The following SDK1 variants were observed in gnomAD, a reference collection of about 807,000 sequenced individuals.
The protein encoded by SDK1 is sidekick cell adhesion molecule 1, also known as protein sidekick-1.
In SDK1, 157 loss-of-function variants were observed where a neutral mutation model predicts 245.5. The ratio of observed to expected loss-of-function variants is 0.64; its 90% CI spans 0.56 to 0.73. The LOEUF (loss-of-function observed/expected upper bound fraction) is 0.73, where lower values mean the gene tolerates loss of function less well. Among genes scored for constraint, SDK1 ranks in the 30% least tolerant of loss-of-function variants. The pLI is 0.00. For synonymous variants in SDK1, 1,647 were observed against 1,278.5 expected, an observed-to-expected ratio of 1.29 and a Z score of -6.15; for missense variants, 3,583 against 3,002.3, an observed-to-expected ratio of 1.19 and a Z score of -4.52.
At chr7:3,761,859 C>T (rs138678686) in intron 4 of SDK1, among the ~76,000 whole-genome samples, 1 of 152,190 alleles carries the variant, frequency 6.6e-6, no homozygotes, top group African/African-American at 2.4e-5. Context: ...TATTTGCTTG[C>T]GACTTGCAGT....
intron 43 of SDK1, among the ~76,000 whole-genome samples, chr7:4,242,472 CAA>C (rs887351775): frequency 5.9e-5 from 9 of 152,226 alleles, no homozygotes; most frequent in East Asian, 1.9e-4. Flanking sequence ...GTTTCCCAAA[CAA>C]GAGAGGGGTT....
At chr7:3,903,371 CTG>C (rs1265572203) in intron 5 of SDK1, among the ~76,000 whole-genome samples, 20 of 152,252 alleles carry the variant, frequency 1.3e-4, no homozygotes, top group African/African-American at 2.9e-4. Flanking sequence ...TCTCGATCAT[CTG>C]CTGACCTTGT....
At chr7:3,391,083 A>T (rs1231648311) in intron 1 of SDK1, among the ~76,000 whole-genome samples, 2 of 152,160 alleles carry the variant, frequency 1.3e-5, no homozygotes, top group African/African-American at 2.4e-5. Flanking sequence ...ATACCAGGTC[A>T]CATTTAGAAT....
chr7:3,516,477 TAAAG>T (rs760309381), intron 1 of SDK1, among the ~76,000 whole-genome samples: 7 of 152,164 alleles, frequency 4.6e-5, no homozygotes, highest in Non-Finnish European at 1.0e-4. Context: ...GTGTTCTACT[TAAAG>T]AGCTATTTTT....
At chr7:3,835,438 C>T (rs1205585004) in intron 5 of SDK1, among the ~76,000 whole-genome samples, 1 of 152,100 alleles carries the variant, frequency 6.6e-6, no homozygotes, top group Admixed American at 6.6e-5. Flanking sequence ...GACAGTGTGC[C>T]GTGAGATGGG....
intron 1 of SDK1, among the ~76,000 whole-genome samples, chr7:3,533,089 G>A (rs1254485745): frequency 6.6e-6 from 1 of 152,206 alleles, no homozygotes; most frequent in Non-Finnish European, 1.5e-5. Context: ...GAAAGAAAAT[G>A]ATTCCAGCAC....
chr7:3,481,630 G>T (rs180773475), intron 1 of SDK1, among the ~76,000 whole-genome samples: 13 of 152,268 alleles, frequency 8.5e-5, no homozygotes, highest in Admixed American at 8.5e-4. Context: ...TGTGTACAGG[G>T]TTACCTCAGG....
chr7:3,535,834 C>G (rs2128619122), intron 1 of SDK1, among the ~76,000 whole-genome samples: 1 of 152,158 alleles, frequency 6.6e-6, no homozygotes, highest in African/African-American at 2.4e-5. Flanking sequence ...TGCAGATATT[C>G]TCATCCATGT....
intron 4 of SDK1, among the ~76,000 whole-genome samples, chr7:3,771,473 CATT>C (rs921779553): frequency 6.6e-6 from 1 of 152,144 alleles, no homozygotes; most frequent in Non-Finnish European, 1.5e-5. Flanking sequence ...AACTCACCCT[CATT>C]GTTGTGCATA....
At chr7:3,464,412 A>C (rs7802856) in intron 1 of SDK1, among the ~76,000 whole-genome samples, 3,721 of 152,228 alleles carry the variant, frequency 0.024, 172 homozygotes, top group African/African-American at 0.086. Context: ...CCCCAGCTAC[A>C]CAGGAGACTG....
chr7:3,654,921 C>T (rs1320410635), intron 4 of SDK1, among the ~76,000 whole-genome samples: 2 of 152,094 alleles, frequency 1.3e-5, no homozygotes, highest in African/African-American at 2.4e-5. Context: ...AAGTCAGTTG[C>T]ACATAATTGC....
At chr7:4,121,891 A>G (rs1784086825) in intron 25 of SDK1, among the ~76,000 whole-genome samples, 1 of 152,190 alleles carries the variant, frequency 6.6e-6, no homozygotes, top group Non-Finnish European at 1.5e-5. Flanking sequence ...GGTGCAACAC[A>G]TATTGCTCTG....
chr7:4,258,009 T>C (rs1239965659), intron 44 of SDK1, among the ~76,000 whole-genome samples: 1 of 152,098 alleles, frequency 6.6e-6, no homozygotes, highest in East Asian at 1.9e-4. Context: ...TCACTGCGAG[T>C]TGGACGACCA....
intron 13 of SDK1, among the ~76,000 whole-genome samples, chr7:3,979,391 C>G (rs1344421470): frequency 1.3e-5 from 2 of 152,162 alleles, no homozygotes; most frequent in Admixed American, 1.3e-4. Flanking sequence ...AGCCCTTTAC[C>G]CTGCATTATT....
At chr7:3,967,561 T>A (rs1782175681) in intron 10 of SDK1, 127 bp downstream of exon 10, 3 of 669,886 alleles carry the variant, frequency 4.5e-6, no homozygotes, top group Non-Finnish European at 7.9e-6. Flanking sequence ...ATTAAATAAC[T>A]CTTATTGCAG....
chr7:3,463,313 G>T (rs1230727616), intron 1 of SDK1, among the ~76,000 whole-genome samples: 1 of 152,052 alleles, frequency 6.6e-6, no homozygotes, highest in African/African-American at 2.4e-5. Context: ...CTTTGGTGCT[G>T]AAAAATACTT....
intron 1 of SDK1, among the ~76,000 whole-genome samples, chr7:3,333,111 G>C (rs1465813723): frequency 6.6e-6 from 1 of 152,200 alleles, no homozygotes; most frequent in Non-Finnish European, 1.5e-5. Flanking sequence ...GTCTAGGAAA[G>C]AGTTCAGGTC....
At chr7:3,312,856 C>G in intron 1 of SDK1, among the ~76,000 whole-genome samples, 1 of 152,126 alleles carries the variant, frequency 6.6e-6, no homozygotes, top group African/African-American at 2.4e-5. Flanking sequence ...ATAATCAATA[C>G]AAGTTCTGCC....
intron 5 of SDK1, among the ~76,000 whole-genome samples, chr7:3,908,436 A>G (rs564222057): frequency 6.6e-6 from 1 of 152,300 alleles, no homozygotes; most frequent in South Asian, 2.1e-4. Context: ...ACGGCTGGCC[A>G]GATGCTCACC....
Sources: gnomAD v4.1 joint callset for allele counts (sites outside exome capture counted in the v4.1 genomes callset) on GRCh38, gnomAD v4.1.1 for gene constraint, MANE v1.5 for transcripts, NCBI Gene and HGNC (gene_info 2026-07-23, HGNC 2026-07-21) for gene names.